The following ADAMTS2 variants were observed in gnomAD, a reference collection of about 807,000 sequenced individuals.
ADAMTS2 encodes the protein A disintegrin and metalloproteinase with thrombospondin motifs 2.
ADAMTS2 carries 50 observed loss-of-function variants against 123.0 expected under a neutral mutation model. That is an observed-to-expected ratio of 0.41 (90% CI 0.32 to 0.51). The LOEUF is 0.51. ADAMTS2 is among the 20% of genes least tolerant of loss of function. ADAMTS2 has a pLI of 0.35. For synonymous variants in ADAMTS2, 678 were observed against 695.4 expected (o/e 0.98, Z 0.39); for missense variants, 1,494 against 1,705.2 (o/e 0.88, Z 2.18).
At chr5:179,215,987 C>A (rs563218457) in intron 3 of ADAMTS2, among the ~76,000 whole-genome samples, 16 of 152,304 alleles carry the variant, frequency 1.1e-4, no homozygotes, top group African/African-American at 3.4e-4. Context: ...CATGTCAGTT[C>A]TCAAAAGATT....
Position 179,132,929 on chromosome 5 carries a change from G to T in ADAMTS2, c.2086-29C>A. ...TTGGGGGAGGAGGCAGTGAGCACTT[G>T]AGACGTCCTGCTAGTAGAGTCAGGG... On this transcript the variant is annotated intron_variant, in intron 13 of 21. Coordinates refer to ENST00000251582, the MANE Select transcript of ADAMTS2 (RefSeq NM_014244.5). This position sits in a 1 kb window ranked among gnomAD's most constrained non-coding sequence, Gnocchi z 6.1. 6.2e-7 allele frequency: 1 copy of T among 1,610,668 alleles called. No homozygotes were observed.
chr5:179,332,690 G>C lies in ADAMTS2; in HGVS notation c.534+11077C>G, dbSNP rs575810379. The stretch of plus-strand genomic sequence containing the variant: ...CCAGTGGCCAGCCATCGTGCAGAGA[G>C]GGGAGGGCAGAGGGGAGGGAGGGAG... On this transcript the variant is annotated intron_variant, in intron 2 of 21. Coordinates refer to ENST00000251582, the MANE Select transcript of ADAMTS2 (RefSeq NM_014244.5). The surrounding 1 kb of genome is among the most constrained non-coding windows in gnomAD (Gnocchi z 4.2). 2.0e-5 allele frequency among the ~76,000 whole-genome samples: 3 copies of C among 152,070 alleles called. No individual in the cohort carries two copies. Among genetic ancestry groups the C allele is most frequent in the Admixed American group, 2.0e-4 (3 of 15,276 alleles).
intron 2 of ADAMTS2, among the ~76,000 whole-genome samples, chr5:179,309,417 T>C (rs1297721508): frequency 6.6e-6 from 1 of 152,070 alleles, no homozygotes; most frequent in Admixed American, 6.5e-5. Context: ...GACCTTCAAC[T>C]CTAACTGTGC....
rs1006697991 is a variant in ADAMTS2, at chr5:179,228,042, G to C, written c.689-20327C>G. Among the ~76,000 whole-genome samples, 1 of 152,248 alleles carries C rather than the reference G, an allele frequency of 6.6e-6. No individual in the cohort carries two copies. The highest frequency in any genetic ancestry group is 1.5e-5 in the Non-Finnish European group (1 of 68,002). On this transcript the variant is annotated intron_variant, in intron 3 of 21. Transcript: ENST00000251582. This position sits in a 1 kb window ranked among gnomAD's most constrained non-coding sequence, Gnocchi z 5.2. ...CTGCAAGGGACCCTCGGGAGGAGCC[G>C]CGTGGGAGGAGGAGAAGGCCGTGTG...
intron 10 of ADAMTS2, among the ~76,000 whole-genome samples, chr5:179,141,609 A>C (rs1212017022): frequency 6.6e-6 from 1 of 152,210 alleles, no homozygotes; most frequent in East Asian, 1.9e-4. Context: ...AAGAAAAGCA[A>C]AAGTCTATGG....
intron 3 of ADAMTS2, among the ~76,000 whole-genome samples, chr5:179,238,665 C>A (rs1375054805): frequency 6.6e-6 from 1 of 152,056 alleles, no homozygotes; most frequent in Non-Finnish European, 1.5e-5. Context: ...GGCAAGGAGG[C>A]CCAGGATGGC....
Position 179,207,475 on chromosome 5 carries a change from T to TGCC in ADAMTS2, c.891+37_891+38insGGC. ...GGCCTGCCCAGCCCCTGGTTGACCC[T>TGCC]CCCCGCCCCACCCTGCCCCCTCAGC... On this transcript the variant is annotated intron_variant, in intron 4 of 21. Transcript: ENST00000251582. The TGCC allele has an allele frequency of 7.2e-4, 421 of 588,474 alleles. 6 individuals are homozygous for TGCC. The highest frequency in any genetic ancestry group is 9.8e-4 in the Non-Finnish European group (305 of 311,314). The allele number at this position is 588,474 out of a possible 1,614,324, so 36.5% of individuals were successfully genotyped here.
At chr5:179,290,521 A>G (rs1756154413) in intron 2 of ADAMTS2, among the ~76,000 whole-genome samples, 1 of 152,168 alleles carries the variant, frequency 6.6e-6, no homozygotes, top group South Asian at 2.1e-4. Context: ...TCAACCTACA[A>G]AGTTCCTGGT....
At chr5:179,179,210 G>T (rs901852189) in intron 5 of ADAMTS2, among the ~76,000 whole-genome samples, 8 of 150,884 alleles carry the variant, frequency 5.3e-5, no homozygotes, top group African/African-American at 1.9e-4. Context: ...GCCTCCCAAA[G>T]TGCTAGGATT....
chr5:179,134,673 G>T (rs1287574696), intron 13 of ADAMTS2, among the ~76,000 whole-genome samples: 1 of 152,166 alleles, frequency 6.6e-6, no homozygotes, highest in Non-Finnish European at 1.5e-5. Flanking sequence ...CAGCCTCCCG[G>T]CCCTGCCGAA....
chr5:179,241,663 T>C (rs1765674286), intron 3 of ADAMTS2, among the ~76,000 whole-genome samples: 1 of 152,264 alleles, frequency 6.6e-6, no homozygotes, highest in African/African-American at 2.4e-5. Flanking sequence ...TTTCTTTTAC[T>C]TGTGCAATTT....
intron 4 of ADAMTS2, among the ~76,000 whole-genome samples, chr5:179,182,414 A>C (rs924106751): frequency 3.3e-5 from 5 of 152,004 alleles, no homozygotes; most frequent in Admixed American, 6.5e-5. Flanking sequence ...CACTCCCTGC[A>C]CTCCAATCTG....
chr5:179,131,654 C>T (rs1248024821), intron 15 of ADAMTS2, among the ~76,000 whole-genome samples: 4 of 152,112 alleles, frequency 2.6e-5, no homozygotes, highest in East Asian at 1.9e-4. Context: ...GAGCCTCCCG[C>T]GTGGCCTGGG....
chr5:179,323,526 T>C (rs904134200), intron 2 of ADAMTS2, among the ~76,000 whole-genome samples: 5 of 152,236 alleles, frequency 3.3e-5, no homozygotes. Context: ...CACTGCCCTG[T>C]GGGAGCTCCC....
intron 3 of ADAMTS2, among the ~76,000 whole-genome samples, chr5:179,232,111 T>C (rs920009967): frequency 2.6e-5 from 4 of 152,190 alleles, no homozygotes; most frequent in African/African-American, 4.8e-5. Flanking sequence ...AAATCGATGC[T>C]CCAGGAAGAT....
intron 2 of ADAMTS2, among the ~76,000 whole-genome samples, chr5:179,335,033 C>T (rs1036046737): frequency 2.0e-5 from 3 of 152,022 alleles, no homozygotes; most frequent in African/African-American, 4.8e-5. Context: ...ATCAAATTCA[C>T]GAGGGATTTT....
rs561639465 is a variant in ADAMTS2, at chr5:179,237,924, G to A, written c.689-30209C>T. Among the ~76,000 whole-genome samples the A allele has an allele frequency of 6.5e-4, 99 of 152,332 alleles. 1 individual carries two copies. The South Asian group carries it at 0.01, about 16-fold the overall frequency. On this transcript the variant is annotated intron_variant, in intron 3 of 21. Transcript: ENST00000251582. Reference sequence around the variant, plus strand: ...GGCAGCCATCGCTCCCGACACGCACGCCGCAGTGTAGCTGTGGCTCCTGAG... The same window carrying A: ...GGCAGCCATCGCTCCCGACACGCACACCGCAGTGTAGCTGTGGCTCCTGAG...
Position 179,122,785 on chromosome 5 carries a change from G to A in ADAMTS2, c.2959-12C>T. 2 of 1,554,116 alleles carry A rather than the reference G, an allele frequency of 1.3e-6. No individual in the cohort carries two copies. Among genetic ancestry groups the A allele is most frequent in the Non-Finnish European group, 1.7e-6 (2 of 1,149,080 alleles). Reference sequence around the variant, plus strand: ...CAGGTTACTGAGCACTGCAGGGGGAGAGTCGCCAGGCAGGGTTCACCTCCC... The same window carrying A: ...CAGGTTACTGAGCACTGCAGGGGGAAAGTCGCCAGGCAGGGTTCACCTCCC... On this transcript the variant is annotated splice_polypyrimidine_tract_variant and intron_variant, in intron 19 of 21. Transcript: ENST00000251582.
chr5:179,189,712 G>A lies in ADAMTS2; in HGVS notation c.892-8557C>T, dbSNP rs1001998700. Among the ~76,000 whole-genome samples the A allele has an allele frequency of 2.0e-5, 3 of 150,618 alleles. No homozygotes were observed. Among genetic ancestry groups the A allele is most frequent in the South Asian group, 4.2e-4 (2 of 4,738 alleles). On this transcript the variant is annotated intron_variant, in intron 4 of 21. Transcript: ENST00000251582. This position sits in a 1 kb window ranked among gnomAD's most constrained non-coding sequence, Gnocchi z 4.2. ...TTTTACAAAGTACATTCTCAAGGGCGGAAGAATATTACAAAATATCTTCTT... is the reference window on the plus strand; with the variant it reads ...TTTTACAAAGTACATTCTCAAGGGCAGAAGAATATTACAAAATATCTTCTT...
Sources: allele counts gnomAD v4.1 joint callset (sites outside exome capture counted in the v4.1 genomes callset), GRCh38; gene constraint gnomAD v4.1.1; non-coding constraint Gnocchi (gnomAD v3.1); transcripts MANE v1.5; gene names NCBI Gene and HGNC (gene_info 2026-07-23, HGNC 2026-07-21).